LRRC4C: variants seen among roughly 807,000 people sequenced by gnomAD.
The protein encoded by LRRC4C is leucine-rich repeat-containing protein 4C.
In LRRC4C, 5 loss-of-function variants were observed where a neutral mutation model predicts 33.6. That is an observed-to-expected ratio of 0.15 (90% CI 0.08 to 0.31). The LOEUF (loss-of-function observed/expected upper bound fraction) is 0.31. LRRC4C is among the 10% of genes least tolerant of loss of function. LRRC4C has a pLI of 1.00. For synonymous variants in LRRC4C, 329 were observed against 302.0 expected (o/e 1.09, Z -0.93); for missense variants, 560 against 796.7 (o/e 0.70, Z 3.58).
intron 1 of LRRC4C, among the ~76,000 whole-genome samples, chr11:41,448,118 G>GTTTTTT (rs1955883650): frequency 3.5e-5 from 1 of 28,666 alleles, no homozygotes; most frequent in African/African-American, 1.5e-4. Flanking sequence ...TGCTGCACAC[G>GTTTTTT]TCTGTTTTTT....
chr11:40,937,583 CTCT>C (rs908482632), intron 1 of LRRC4C, among the ~76,000 whole-genome samples: 2 of 149,102 alleles, frequency 1.3e-5, no homozygotes, highest in Non-Finnish European at 3.0e-5. Context: ...CAATAATTCA[CTCT>C]TCTTGAGTGT....
chr11:40,958,761 C>A (rs1194177337), intron 1 of LRRC4C, among the ~76,000 whole-genome samples: 1 of 151,630 alleles, frequency 6.6e-6, no homozygotes, highest in African/African-American at 2.4e-5. Context: ...ATCTTGAATT[C>A]TTGCTTTATA....
intron 2 of LRRC4C, among the ~76,000 whole-genome samples, chr11:40,866,785 T>A (rs1954390140): frequency 6.6e-6 from 1 of 152,298 alleles, no homozygotes; most frequent in African/African-American, 2.4e-5. Context: ...GACAACATTA[T>A]AAGGAGCTCC....
chr11:40,955,067 G>A (rs185485602), intron 1 of LRRC4C, among the ~76,000 whole-genome samples: 16 of 151,862 alleles, frequency 1.1e-4, no homozygotes, highest in Non-Finnish European at 2.2e-4. Context: ...TTCAGAACAA[G>A]GGCTTGGTAG....
At position 40,833,210 on chromosome 11, in the gene LRRC4C, T is replaced by C. The variant is rs1256395244; in HGVS notation, c.-407+100425A>G. ...TCTGACTCAAAATTTTTCTCTGACTTAGCATAGCTTCTCAGATAAAGTCTC... is the reference window on the plus strand; with the variant it reads ...TCTGACTCAAAATTTTTCTCTGACTCAGCATAGCTTCTCAGATAAAGTCTC... On this transcript the variant is annotated intron_variant, in intron 2 of 6. Transcript: ENST00000528697. Among the ~76,000 whole-genome samples the C allele has an allele frequency of 5.9e-5, 9 of 152,116 alleles. 1 individual carries two copies. The highest frequency in any genetic ancestry group is 1.3e-4 in the Non-Finnish European group (9 of 68,008).
chr11:40,841,217 A>C (rs2135644475), intron 2 of LRRC4C, among the ~76,000 whole-genome samples: 1 of 152,332 alleles, frequency 6.6e-6, no homozygotes, highest in Non-Finnish European at 1.5e-5. Flanking sequence ...TTGCTAAGTC[A>C]AAATCTATAT....
chr11:40,879,093 C>T (rs1955049263), intron 2 of LRRC4C, among the ~76,000 whole-genome samples: 1 of 152,148 alleles, frequency 6.6e-6, no homozygotes, highest in African/African-American at 2.4e-5. Flanking sequence ...TGTTCTTGTA[C>T]AGTGCCTTGA....
intron 2 of LRRC4C, among the ~76,000 whole-genome samples, chr11:40,720,432 T>G (rs1946954401): frequency 6.6e-6 from 1 of 152,206 alleles, no homozygotes; most frequent in Non-Finnish European, 1.5e-5. Context: ...TCATCATTTA[T>G]TTGAAAAATT....
intron 1 of LRRC4C, among the ~76,000 whole-genome samples, chr11:41,262,340 T>C (rs1291396862): frequency 3.3e-5 from 5 of 151,760 alleles, no homozygotes; most frequent in African/African-American, 1.2e-4. Context: ...ATATCTATTA[T>C]GTGGCACTAT....
At chr11:41,099,703 A>C (rs1941045490) in intron 1 of LRRC4C, among the ~76,000 whole-genome samples, 1 of 152,156 alleles carries the variant, frequency 6.6e-6, no homozygotes. Context: ...AAATAATAAG[A>C]GCTATCTATG....
chr11:40,521,293 G>T lies in LRRC4C; in HGVS notation c.-270+126849C>A, dbSNP rs371447698. On this transcript the variant is annotated intron_variant, in intron 3 of 6. Coordinates refer to ENST00000528697, the MANE Select transcript of LRRC4C (RefSeq NM_001258419.2). ...ATGGGTCCATGAGACATGAAGCATT[G>T]TAATGTAATAGTGAAGATAATAAGT... Among the ~76,000 whole-genome samples, 10 of 152,288 alleles carry T rather than the reference G, an allele frequency of 6.6e-5. No homozygotes were observed. The East Asian group carries it at 1.2e-3, about 18-fold the overall frequency.
At chr11:40,430,290 G>T (rs558435597) in intron 3 of LRRC4C, among the ~76,000 whole-genome samples, 3 of 152,162 alleles carry the variant, frequency 2.0e-5, no homozygotes, top group South Asian at 4.1e-4. Flanking sequence ...GAGAAAGTTG[G>T]TGAAGGATTA....
chr11:41,401,944 C>T (rs1346092585), intron 1 of LRRC4C, among the ~76,000 whole-genome samples: 1 of 151,984 alleles, frequency 6.6e-6, no homozygotes, highest in Non-Finnish European at 1.5e-5. Flanking sequence ...TTTCCCCTTG[C>T]TGTCAGAACT....
chr11:40,538,508 A>G (rs181576707), intron 3 of LRRC4C, among the ~76,000 whole-genome samples: 149 of 152,286 alleles, frequency 9.8e-4, no homozygotes, highest in African/African-American at 3.5e-3. Context: ...TATATGTGCC[A>G]CATTTTCTTA....
intron 5 of LRRC4C, among the ~76,000 whole-genome samples, chr11:40,197,538 T>C (rs539124111): frequency 2.0e-5 from 3 of 152,356 alleles, no homozygotes; most frequent in South Asian, 4.1e-4. Context: ...AGAATAAGTC[T>C]ACCTTCTAAT....
chr11:41,042,316 G>C (rs979913000), intron 1 of LRRC4C, among the ~76,000 whole-genome samples: 9 of 152,016 alleles, frequency 5.9e-5, no homozygotes, highest in Non-Finnish European at 1.0e-4. Flanking sequence ...TATGCTCAAA[G>C]GTCTATTTGT....
chr11:41,442,458 CTTTTTT>C (rs775679545), intron 1 of LRRC4C, among the ~76,000 whole-genome samples: 2 of 84,078 alleles, frequency 2.4e-5, no homozygotes, highest in African/African-American at 9.6e-5. Flanking sequence ...TTGCTTTTTT[CTTTTTT>C]TTTTTTTTTT....
chr11:40,583,787 C>T (rs960532031), intron 3 of LRRC4C, among the ~76,000 whole-genome samples: 4 of 151,756 alleles, frequency 2.6e-5, no homozygotes, highest in African/African-American at 9.7e-5. Flanking sequence ...AAGTCAAGAT[C>T]AAACTTCAGT....
At chr11:40,502,308 T>A (rs1590934992) in intron 3 of LRRC4C, among the ~76,000 whole-genome samples, 1 of 152,182 alleles carries the variant, frequency 6.6e-6, no homozygotes, top group Admixed American at 6.5e-5. Flanking sequence ...GTTGCTTCCA[T>A]ATTTTTGGGT....
Sources: allele counts gnomAD v4.1 joint callset (sites outside exome capture counted in the v4.1 genomes callset), GRCh38; gene constraint gnomAD v4.1.1; transcripts MANE v1.5; gene names NCBI Gene and HGNC (gene_info 2026-07-23, HGNC 2026-07-21).